The following ZFHX3 variants were observed in gnomAD, a reference collection of about 807,000 sequenced individuals.
The protein encoded by ZFHX3 is zinc finger homeobox 3.
A neutral mutation model predicts 279.1 loss-of-function variants in ZFHX3; 42 were observed. The observed-to-expected ratio is 0.15, with a 90% CI of 0.12 to 0.19. The LOEUF (loss-of-function observed/expected upper bound fraction) is 0.19, where lower values mean the gene tolerates loss of function less well. ZFHX3 is among the 10% of genes least tolerant of loss of function. ZFHX3 has a pLI of 1.00. For missense variants in ZFHX3, 4,981 were observed against 4,754.0 expected (o/e 1.05, Z -1.40); for synonymous variants, 2,293 against 1,957.8 (o/e 1.17, Z -4.52).
intron 1 of ZFHX3, among the ~76,000 whole-genome samples, chr16:72,994,415 C>T (rs898232276): frequency 2.0e-5 from 3 of 152,194 alleles, no homozygotes; most frequent in African/African-American, 7.2e-5. Flanking sequence ...CCCCCAGGTG[C>T]CATTTCTGGG....
chr16:73,272,932 A>T (rs572926740), intron 4 of ZFHX3, among the ~76,000 whole-genome samples: 3 of 152,188 alleles, frequency 2.0e-5, no homozygotes, highest in South Asian at 2.1e-4. Context: ...TTTTTTGTAG[A>T]GATGGGATCT....
At chr16:73,230,480 T>C (rs2012738920) in intron 5 of ZFHX3, among the ~76,000 whole-genome samples, 3 of 152,184 alleles carry the variant, frequency 2.0e-5, no homozygotes, top group Admixed American at 2.0e-4. Flanking sequence ...CACTTCTGAA[T>C]CCTCCCTAGT....
chr16:73,813,428 G>C (rs377348022), intron 1 of ZFHX3, among the ~76,000 whole-genome samples: 11 of 151,822 alleles, frequency 7.2e-5, no homozygotes, highest in African/African-American at 2.4e-4. Context: ...CAGGGAATTG[G>C]CTGCATAGGT....
chr16:73,134,635 C>T (rs894731226), intron 6 of ZFHX3: 1 of 151,936 alleles, frequency 6.6e-6, no homozygotes, highest in East Asian at 1.9e-4. Context: ...GCACCTGGCT[C>T]CCTGTTAGTT....
At chr16:73,488,098 T>A (rs928418809) in intron 2 of ZFHX3, among the ~76,000 whole-genome samples, 3 of 152,228 alleles carry the variant, frequency 2.0e-5, no homozygotes, top group African/African-American at 7.2e-5. Flanking sequence ...GGGGGTGATT[T>A]ATTCACTTGG....
chr16:72,859,756 A>G lies in ZFHX3; in HGVS notation c.3449-29897T>C, dbSNP rs139405913. ...CAGTGAGGGGAGAATGCGGCAGGACATGGGTTAGAGGAAATGAACAGCTGG... is the reference window on the plus strand; with the variant it reads ...CAGTGAGGGGAGAATGCGGCAGGACGTGGGTTAGAGGAAATGAACAGCTGG... On this transcript the variant is annotated intron_variant, in intron 4 of 9. Transcript: ENST00000268489. 1.5e-3 allele frequency among the ~76,000 whole-genome samples: 231 copies of G among 152,238 alleles called. 1 individual carries two copies. The East Asian group carries it at 0.019, about 12-fold the overall frequency.
intron 1 of ZFHX3, among the ~76,000 whole-genome samples, chr16:72,978,145 G>A (rs148324820): frequency 3.9e-5 from 6 of 152,170 alleles, no homozygotes; most frequent in Admixed American, 3.9e-4. Context: ...GATTACAGGC[G>A]TGAGCCACCG....
At chr16:72,996,246 T>G (rs780150057) in intron 1 of ZFHX3, among the ~76,000 whole-genome samples, 2 of 152,184 alleles carry the variant, frequency 1.3e-5, no homozygotes, top group Non-Finnish European at 2.9e-5. Flanking sequence ...CTCGTGCCAC[T>G]GCACTCCAGC....
chr16:73,504,091 T>C (rs2019282261), intron 2 of ZFHX3: 1 of 152,200 alleles, frequency 6.6e-6, no homozygotes, highest in Non-Finnish European at 1.5e-5. Context: ...GAAAAATAGC[T>C]ACAGTTTTTT....
chr16:73,218,812 T>G (rs1003491288), intron 5 of ZFHX3, among the ~76,000 whole-genome samples: 1 of 152,052 alleles, frequency 6.6e-6, no homozygotes, highest in African/African-American at 2.4e-5. Context: ...AACATGAAAT[T>G]TATCATTATA....
intron 3 of ZFHX3, among the ~76,000 whole-genome samples, chr16:73,343,422 G>C (rs78392380): frequency 6.6e-6 from 1 of 152,118 alleles, no homozygotes; most frequent in Non-Finnish European, 1.5e-5. Context: ...AAACAAGAAA[G>C]TGCTCAAAGC....
chr16:73,065,767 G>A (rs1239875811), intron 8 of ZFHX3, among the ~76,000 whole-genome samples: 1 of 152,000 alleles, frequency 6.6e-6, no homozygotes, highest in Non-Finnish European at 1.5e-5. Flanking sequence ...CAGGGTTTGG[G>A]GAGCGCATCA....
At chr16:73,565,892 C>T (rs1567520543) in intron 2 of ZFHX3, among the ~76,000 whole-genome samples, 1 of 152,174 alleles carries the variant, frequency 6.6e-6, no homozygotes, top group African/African-American at 2.4e-5. Context: ...TCTCTGTGTT[C>T]TCAAGAATCC....
intron 1 of ZFHX3, among the ~76,000 whole-genome samples, chr16:73,025,093 T>C (rs1964449056): frequency 6.6e-6 from 1 of 152,114 alleles, no homozygotes; most frequent in Non-Finnish European, 1.5e-5. Context: ...TGCAGAAGAC[T>C]TACACCGCAG....
intron 2 of ZFHX3, among the ~76,000 whole-genome samples, chr16:73,627,628 C>T (rs1432536423): frequency 6.6e-6 from 1 of 152,146 alleles, no homozygotes; most frequent in African/African-American, 2.4e-5. Flanking sequence ...TTTAAGAAAA[C>T]AGCTGTTGGG....
At position 73,425,118 on chromosome 16, in the gene ZFHX3, AATG is replaced by A. The variant is rs1345404368; in HGVS notation, c.-1291+30882_-1291+30884del. ...CACCTAATATAGTGCTTTCCAATGGAATGATCAGCAAGTACTTCTTGAGCAAAT... is the reference window on the plus strand; with the variant it reads ...CACCTAATATAGTGCTTTCCAATGGAATCAGCAAGTACTTCTTGAGCAAAT... On this transcript the variant is annotated intron_variant, in intron 3 of 17. Transcript: ENST00000641206. Among the ~76,000 whole-genome samples, 3 of 152,144 alleles carry A rather than the reference AATG, an allele frequency of 2.0e-5. No homozygotes were observed. In the South Asian group the frequency reaches 6.2e-4, roughly 32 times the overall value.
chr16:72,990,077 G>A (rs1269858216), intron 1 of ZFHX3, among the ~76,000 whole-genome samples: 3 of 151,890 alleles, frequency 2.0e-5, no homozygotes, highest in South Asian at 2.1e-4. Flanking sequence ...TCCCCCCACC[G>A]TTTCTGTTCA....
rs58565282 is a variant in ZFHX3, at chr16:73,687,011, A to AATAT, written c.-1607-6775_-1607-6772dup. On this transcript the variant is annotated intron_variant, in intron 1 of 17. Coordinates refer to the ZFHX3 transcript ENST00000641206. ...GAGAATATATATATATTTGCAGCTAAATATATATATATATATATATATATA... is the reference window on the plus strand; with the variant it reads ...GAGAATATATATATATTTGCAGCTAAATATATATATATATATATATATATATATA... Among the ~76,000 whole-genome samples, 447 of 52,982 alleles carry AATAT rather than the reference A, an allele frequency of 8.4e-3. 3 individuals are homozygous for AATAT. The highest frequency in any genetic ancestry group is 1.0e-2 in the Non-Finnish European group (282 of 28,234). The allele number at this position is 52,982 out of a possible 152,430, so 34.8% of individuals were successfully genotyped here.
In ZFHX3 at chr16:73,764,936, C is replaced by A. The variant is rs8052870; in HGVS notation, c.-1607-84696G>T. Among the ~76,000 whole-genome samples, 1,104 of 152,326 alleles carry A rather than the reference C, an allele frequency of 7.2e-3. 13 individuals are homozygous for A. The highest frequency in any genetic ancestry group is 0.024 in the African/African-American group (1,005 of 41,574). ...TTGTGTCCTCTAGAAGTCAATGCCTCACCAGTTCAGGATTATCTCAACGCC... is the reference window on the plus strand; with the variant it reads ...TTGTGTCCTCTAGAAGTCAATGCCTAACCAGTTCAGGATTATCTCAACGCC... On this transcript the variant is annotated intron_variant, in intron 1 of 17. Transcript: ENST00000641206.
Sources: gnomAD v4.1 joint callset for allele counts (sites outside exome capture counted in the v4.1 genomes callset) on GRCh38, gnomAD v4.1.1 for gene constraint, MANE v1.5 for transcripts, NCBI Gene and HGNC (gene_info 2026-07-23, HGNC 2026-07-21) for gene names.